The following YRDC variants were observed in gnomAD, a reference collection of about 807,000 sequenced individuals.
The protein encoded by YRDC is threonylcarbamoyl-AMP synthase.
Under a neutral mutation model 21.5 loss-of-function variants are expected in YRDC, and 17 were observed. The observed-to-expected ratio is 0.79, with a 90% confidence interval of 0.54 to 1.19. The LOEUF is 1.19. YRDC is among the 50% of genes most tolerant of loss of function. YRDC has a pLI of 0.00. For missense variants in YRDC, 380 were observed against 397.1 expected (o/e 0.96, Z 0.37); for synonymous variants, 193 against 176.7 (o/e 1.09, Z -0.73).
In YRDC at chr1:37,806,950, A is replaced by G; in HGVS notation, c.531T>C (p.His177=). Residue 177 remains histidine (H), a synonymous_variant, in exon 3 of 5, where the codon CAT becomes CAC. Transcript: ENST00000373044. ...TPLVGIRIPD[H]AFMQDLAQMF... is the part of the protein sequence containing the mutation. ...TCTGAGCCAAGTCTTGCATAAAAGCATGATCAGGAATCCGAATGCCTACAA... is the reference window on the plus strand; with the variant it reads ...TCTGAGCCAAGTCTTGCATAAAAGCGTGATCAGGAATCCGAATGCCTACAA... 2 of 1,614,246 alleles carry G rather than the reference A, an allele frequency of 1.2e-6. No individual in the cohort carries two copies. Among genetic ancestry groups the G allele is most frequent in the Non-Finnish European group, 1.7e-6 (2 of 1,180,042 alleles).
At chr1:37,807,393 G>T in intron 1 of YRDC, 178 bp from the exon 2 acceptor site, 1 of 652,734 alleles carries the variant, frequency 1.5e-6, no homozygotes, top group Non-Finnish European at 2.6e-6. Flanking sequence ...GCGCACCCCT[G>T]GCTTGACGCC....
At position 37,808,185 on chromosome 1, in the gene YRDC, C is replaced by T; in HGVS notation, c.-5G>A. On this transcript the variant is annotated 5_prime_UTR_variant, in exon 1 of 5. Coordinates refer to ENST00000373044, the MANE Select transcript of YRDC (RefSeq NM_024640.4). ...GCACCGACGCGCCGGAGACATCCGC[C>T]CAGGCCCGCTTCCGGGAGGAAGTGA... is the stretch of plus-strand genomic sequence containing the variant. 2 of 1,439,718 alleles carry T rather than the reference C, an allele frequency of 1.4e-6. No homozygotes were observed. Among genetic ancestry groups the T allele is most frequent in the Non-Finnish European group, 1.8e-6 (2 of 1,101,014 alleles). 89.2% of individuals were successfully genotyped at this position (1,439,718 alleles called of 1,614,324 possible).
chr1:37,807,132 T>G lies in YRDC; in HGVS notation c.473A>C (p.Glu158Ala), dbSNP rs754267501. 1.9e-6 allele frequency: 3 copies of G among 1,614,130 alleles called. No individual in the cohort carries two copies. Residue 158 changes from glutamate to alanine, a missense_variant, in exon 2 of 5, where the codon GAG (glutamate) becomes GCG (alanine). Coordinates refer to ENST00000373044, the MANE Select transcript of YRDC (RefSeq NM_024640.4). ...PVTLVMERSE[E>A]LNKDLNPFTP... ...AAAAGGGTTTAGGTCCTTGTTGAGC[T>G]CCTCCGAGCGTTCCATCACCAGGGT...
chr1:37,807,657 A>G (rs1358821854), intron 1 of YRDC, 135 bp downstream of exon 1: 3 of 1,341,330 alleles, frequency 2.2e-6, no homozygotes, highest in South Asian at 1.7e-5. Context: ...TCCTCGGTAC[A>G]TATTTCCAGT....
Position 37,807,825 on chromosome 1 carries a change from G to A in YRDC, c.356C>T (p.Ala119Val), listed in dbSNP as rs1231442109. The change falls in exon 1 of 5, where the codon GCC becomes GTC. Residue 119 changes from alanine to valine, a missense_variant. Around this residue, in one of 3 missense-constraint regions of YRDC, gnomAD observed 238 missense variants for 236.5 expected, o/e 1.01. Coordinates refer to ENST00000373044, the MANE Select transcript of YRDC (RefSeq NM_024640.4). ...GTCGGCCACGCGGCCGAGGCATACG[G>A]CCAGAGGCTTGGCCTCGCTGCGACC... ...LKGRSEAKPL[A>V]VCLGRVADVY... 4 of 1,511,640 alleles carry A rather than the reference G, an allele frequency of 2.6e-6. No individual in the cohort carries two copies. Among genetic ancestry groups the A allele is most frequent in the Admixed American group, 2.0e-5 (1 of 49,156 alleles). The allele number at this position is 1,511,640 out of a possible 1,614,324, so 93.6% of individuals were successfully genotyped here.
At chr1:37,804,056 A>T (rs113050785) in intron 4 of YRDC, 59 bp from the exon 5 acceptor site, 137 of 1,591,036 alleles carry the variant, frequency 8.6e-5, no homozygotes, top group Non-Finnish European at 1.1e-4. Flanking sequence ...AGCCCACCAG[A>T]GGCTGGTGAG....
At chr1:37,806,833 A>G (rs758537744) in intron 3 of YRDC, 24 bp downstream of exon 3, 1 of 1,613,954 alleles carries the variant, frequency 6.2e-7, no homozygotes, top group Non-Finnish European at 8.5e-7. Flanking sequence ...TGACATTTCC[A>G]GGGGAAGGAC....
At chr1:37,806,231 C>T (rs1424394360) in intron 3 of YRDC, among the ~76,000 whole-genome samples, 1 of 150,610 alleles carries the variant, frequency 6.6e-6, no homozygotes, top group African/African-American at 2.4e-5. Flanking sequence ...GACAGAGTCT[C>T]GCTCTAGAGC....
At chr1:37,806,350 G>A (rs188762187) in intron 3 of YRDC, among the ~76,000 whole-genome samples, 139 of 152,226 alleles carry the variant, frequency 9.1e-4, no homozygotes, top group Admixed American at 2.0e-3. Context: ...ACAGGCATGC[G>A]CCACCATGTC....
chr1:37,808,186 C>T lies in YRDC; in HGVS notation c.-6G>A, dbSNP rs1435667832. 4.2e-6 allele frequency: 6 copies of T among 1,438,980 alleles called. No homozygotes were observed. Among genetic ancestry groups the T allele is most frequent in the South Asian group, 1.4e-5 (1 of 73,558 alleles). The allele number at this position is 1,438,980 out of a possible 1,614,324, so 89.1% of individuals were successfully genotyped here. A position where few individuals can be genotyped will look rare whatever the true frequency, so the allele number is the denominator to read the frequency against. On this transcript the variant is annotated 5_prime_UTR_variant, in exon 1 of 5. Transcript: ENST00000373044. Reference sequence around the variant, plus strand: ...CACCGACGCGCCGGAGACATCCGCCCAGGCCCGCTTCCGGGAGGAAGTGAC... The same window carrying T: ...CACCGACGCGCCGGAGACATCCGCCTAGGCCCGCTTCCGGGAGGAAGTGAC...
intron 4 of YRDC, 29 bp downstream of exon 4, chr1:37,804,272 AT>A: frequency 6.3e-7 from 1 of 1,597,826 alleles, no homozygotes; most frequent in Non-Finnish European, 8.6e-7. Flanking sequence ...CCCTCAAATT[AT>A]TTCCCCACAC....
chr1:37,804,116 T>C, intron 4 of YRDC, 119 bp from the exon 5 acceptor site: 1 of 1,449,884 alleles, frequency 6.9e-7, no homozygotes, highest in Non-Finnish European at 9.5e-7. Flanking sequence ...CATCAACCCT[T>C]GATGAAACCT....
Position 37,803,874 on chromosome 1 carries a change from A to G in YRDC, c.*51T>C. On this transcript the variant is annotated 3_prime_UTR_variant, in exon 5 of 5. Transcript: ENST00000373044. ...GAGGCCTTGACAGTCGTCAGTGGAC[A>G]GACACATAGTATCCAGCACCAGGTC... 1 of 1,599,662 alleles carries G rather than the reference A, an allele frequency of 6.3e-7. No individual in the cohort carries two copies. The highest frequency in any genetic ancestry group is 8.6e-7 in the Non-Finnish European group (1 of 1,168,348).
Position 37,807,161 on chromosome 1 carries a change from T to C in YRDC, c.444A>G (p.Pro148=). 1 of 1,614,186 alleles carries C rather than the reference T, an allele frequency of 6.2e-7. No homozygotes were observed. The highest frequency in any genetic ancestry group is 8.5e-7 in the Non-Finnish European group (1 of 1,180,032). ...EGLLKDLLPG[P]VTLVMERSEE... ...CCGAGCGTTCCATCACCAGGGTCACTGGTCCTGGCAGTAGGTCTTTCAGGA... is the reference window on the plus strand; with the variant it reads ...CCGAGCGTTCCATCACCAGGGTCACCGGTCCTGGCAGTAGGTCTTTCAGGA... The change falls in exon 2 of 5, where the codon CCA becomes CCG. Residue 148 remains proline (P), a synonymous_variant. Transcript: ENST00000373044.
intron 3 of YRDC, among the ~76,000 whole-genome samples, chr1:37,805,743 C>A (rs887754482): frequency 2.6e-5 from 4 of 152,138 alleles, no homozygotes; most frequent in African/African-American, 7.2e-5. Context: ...ACCCTGAGCC[C>A]CACTCTAGGT....
In YRDC at chr1:37,803,630, C is replaced by T. The variant is rs2148390034; in HGVS notation, c.*295G>A. Reference sequence around the variant, plus strand: ...ATTTAATTACTTTTCAATTGAAAAACAAAACAGACAGAAGAAACTTATTAG... The same window carrying T: ...ATTTAATTACTTTTCAATTGAAAAATAAAACAGACAGAAGAAACTTATTAG... On this transcript the variant is annotated 3_prime_UTR_variant, in exon 5 of 5. Coordinates refer to ENST00000373044, the MANE Select transcript of YRDC (RefSeq NM_024640.4). The T allele has an allele frequency of 8.6e-6, 3 of 346,938 alleles. No individual in the cohort carries two copies. Among genetic ancestry groups the T allele is most frequent in the South Asian group, 1.3e-4 (2 of 15,032 alleles). 21.5% of individuals were successfully genotyped at this position (346,938 alleles called of 1,614,324 possible).
At position 37,807,451 on chromosome 1, in the gene YRDC, T is replaced by G. The variant is rs1261732888; in HGVS notation, c.390-236A>C. ...CTACAACAGCTGCACCGCTGTGATA[T>G]CATGATAGTGGGATCAAGCTCCACG... On this transcript the variant is annotated intron_variant, in intron 1 of 4. Coordinates refer to ENST00000373044, the MANE Select transcript of YRDC (RefSeq NM_024640.4). 8.4e-6 allele frequency: 5 copies of G among 594,634 alleles called. No individual in the cohort carries two copies. The East Asian group carries it at 8.6e-5, about 10-fold the overall frequency. 36.8% of individuals were successfully genotyped at this position (594,634 alleles called of 1,614,324 possible). A position where few individuals can be genotyped will look rare whatever the true frequency, so the allele number is the denominator to read the frequency against.
At chr1:37,805,285 G>GT (rs1411632606) in intron 3 of YRDC, among the ~76,000 whole-genome samples, 2 of 152,068 alleles carry the variant, frequency 1.3e-5, no homozygotes, top group Non-Finnish European at 2.9e-5. Flanking sequence ...AAAAAACTAG[G>GT]TAAAAATCTG....
In YRDC at chr1:37,807,141, C is replaced by T. The variant is rs764883164; in HGVS notation, c.464G>A (p.Arg155His). 1.9e-6 allele frequency: 3 copies of T among 1,614,166 alleles called. No individual in the cohort carries two copies. The highest frequency in any genetic ancestry group is 1.7e-6 in the Non-Finnish European group (2 of 1,180,040). ...LPGPVTLVME[R>H]SEELNKDLNP... The stretch of plus-strand genomic sequence containing the variant: ...TAGGTCCTTGTTGAGCTCCTCCGAG[C>T]GTTCCATCACCAGGGTCACTGGTCC... The change falls in exon 2 of 5, where the codon CGC (arginine) becomes CAC (histidine). Residue 155 changes from arginine to histidine, a missense_variant. This residue lies in a region of YRDC where 238 missense variants were observed against 236.5 expected (regional missense o/e 1.01). Transcript: ENST00000373044.
Sources: allele counts gnomAD v4.1 joint callset (sites outside exome capture counted in the v4.1 genomes callset), GRCh38; gene constraint gnomAD v4.1.1; regional missense constraint gnomAD v4.1.1; transcripts MANE v1.5; gene names NCBI Gene and HGNC (gene_info 2026-07-23, HGNC 2026-07-21).